The following ERBB4 variants were observed in gnomAD, a reference collection of about 807,000 sequenced individuals.
ERBB4 encodes the protein receptor tyrosine-protein kinase erbB-4.
Under a neutral mutation model 158.0 loss-of-function variants are expected in ERBB4, and 42 were observed. The ratio of observed to expected loss-of-function variants is 0.27; its 90% confidence interval spans 0.21 to 0.34. ERBB4 has a LOEUF of 0.34. ERBB4 is among the 10% of genes least tolerant of loss of function. ERBB4 has a pLI of 1.00. For missense variants in ERBB4, 1,333 were observed against 1,624.1 expected (o/e 0.82, Z 3.08); for synonymous variants, 583 against 558.7 (o/e 1.04, Z -0.61).
intron 1 of ERBB4, among the ~76,000 whole-genome samples, chr2:212,357,921 T>C (rs1027288030): frequency 6.6e-6 from 1 of 151,882 alleles, no homozygotes; most frequent in African/African-American, 2.4e-5. Flanking sequence ...TGATTTCCAC[T>C]GGCCTCACCC....
At chr2:212,297,794 A>G (rs1046879488) in intron 1 of ERBB4, among the ~76,000 whole-genome samples, 6 of 151,740 alleles carry the variant, frequency 4.0e-5, no homozygotes, top group Non-Finnish European at 8.8e-5. Context: ...GTAATTGTAT[A>G]TATCAAATGA....
intron 16 of ERBB4, among the ~76,000 whole-genome samples, chr2:211,646,114 T>C (rs2070774119): frequency 6.6e-6 from 1 of 151,406 alleles, no homozygotes; most frequent in Non-Finnish European, 1.5e-5. Flanking sequence ...AGTAAGTTAT[T>C]GAATAATGTG....
chr2:211,668,247 A>G (rs1233148307), intron 14 of ERBB4, among the ~76,000 whole-genome samples: 1 of 152,212 alleles, frequency 6.6e-6, no homozygotes, highest in Non-Finnish European at 1.5e-5. Flanking sequence ...TATGAAGTGC[A>G]TGACTGTATT....
At chr2:212,288,786 A>G (rs1006476922) in intron 1 of ERBB4, among the ~76,000 whole-genome samples, 2 of 152,058 alleles carry the variant, frequency 1.3e-5, no homozygotes, top group Non-Finnish European at 2.9e-5. Context: ...ATCTTGATCT[A>G]AGGCCCTGGG....
At chr2:212,394,901 C>T (rs560248630) in intron 1 of ERBB4, among the ~76,000 whole-genome samples, 1 of 152,104 alleles carries the variant, frequency 6.6e-6, no homozygotes, top group African/African-American at 2.4e-5. Flanking sequence ...GATACACTGA[C>T]CTGAAGGAGA....
intron 1 of ERBB4, among the ~76,000 whole-genome samples, chr2:212,237,031 C>T (rs1342607730): frequency 6.6e-6 from 1 of 151,878 alleles, no homozygotes; most frequent in Admixed American, 6.6e-5. Context: ...TTTGCTCTTG[C>T]TTCTCTAGTT....
intron 5 of ERBB4, among the ~76,000 whole-genome samples, chr2:211,736,953 A>C (rs977269298): frequency 8.5e-5 from 13 of 152,286 alleles, no homozygotes; most frequent in Admixed American, 7.2e-4. Flanking sequence ...CTCAGGACAA[A>C]AGTTCGGAAG....
At chr2:212,185,735 T>C (rs2081998083) in intron 1 of ERBB4, among the ~76,000 whole-genome samples, 1 of 151,990 alleles carries the variant, frequency 6.6e-6, no homozygotes, top group Non-Finnish European at 1.5e-5. Context: ...AAAGAGGACA[T>C]AATAGAATCT....
chr2:211,620,487 T>A (rs1033491314), intron 18 of ERBB4, among the ~76,000 whole-genome samples: 2 of 152,144 alleles, frequency 1.3e-5, no homozygotes, highest in Admixed American at 6.5e-5. Flanking sequence ...AACACAAGAA[T>A]TATTTTAAAA....
intron 9 of ERBB4, among the ~76,000 whole-genome samples, chr2:211,710,947 G>A (rs1001646364): frequency 1.3e-5 from 2 of 151,596 alleles, no homozygotes; most frequent in African/African-American, 4.9e-5. Context: ...TGACTAATAT[G>A]GCTACCCAGT....
At chr2:212,394,472 C>T (rs902949315) in intron 1 of ERBB4, among the ~76,000 whole-genome samples, 1 of 151,882 alleles carries the variant, frequency 6.6e-6, no homozygotes, top group Non-Finnish European at 1.5e-5. Flanking sequence ...AACTGGACCA[C>T]CATCTTGACC....
chr2:211,408,545 C>G (rs2063191431), intron 25 of ERBB4, among the ~76,000 whole-genome samples: 1 of 152,202 alleles, frequency 6.6e-6, no homozygotes, highest in African/African-American at 2.4e-5. Context: ...TAGCGCCAGA[C>G]TCTCCTTAAA....
At chr2:211,392,141 G>T (rs1456841795) in intron 25 of ERBB4, among the ~76,000 whole-genome samples, 1 of 152,122 alleles carries the variant, frequency 6.6e-6, no homozygotes, top group Non-Finnish European at 1.5e-5. Context: ...TGACATATCT[G>T]CTTAACACTC....
chr2:212,277,630 G>C (rs111922497), intron 1 of ERBB4, among the ~76,000 whole-genome samples: 2 of 151,812 alleles, frequency 1.3e-5, no homozygotes, highest in East Asian at 1.9e-4. Context: ...AGACCACAAA[G>C]TGTCCCCTGG....
chr2:211,880,685 A>C (rs1386102793), intron 3 of ERBB4, among the ~76,000 whole-genome samples: 1 of 152,212 alleles, frequency 6.6e-6, no homozygotes, highest in Admixed American at 6.5e-5. Context: ...GAGCAACATG[A>C]ATCTTGCTAA....
intron 1 of ERBB4, among the ~76,000 whole-genome samples, chr2:212,484,926 G>A (rs922962027): frequency 6.6e-6 from 1 of 152,142 alleles, no homozygotes; most frequent in African/African-American, 2.4e-5. Flanking sequence ...CTTAGAACAT[G>A]ACTCGTTGGA....
intron 25 of ERBB4, among the ~76,000 whole-genome samples, chr2:211,406,109 G>T (rs2063142220): frequency 6.6e-6 from 1 of 152,136 alleles, no homozygotes; most frequent in South Asian, 2.1e-4. Flanking sequence ...AGCCAGGTCT[G>T]ACTTTGCCAT....
In ERBB4 at chr2:211,612,764, T is replaced by G. The variant is rs946541989; in HGVS notation, c.2301+6413A>C. 3.3e-5 allele frequency among the ~76,000 whole-genome samples: 5 copies of G among 152,046 alleles called. No individual in the cohort carries two copies. The East Asian group carries it at 9.6e-4, about 29-fold the overall frequency. ...AAAAGTAGGGAGATCAAATCTAGTC[T>G]CATAACTTAAGCTGAAGAAGTTGAG... On this transcript the variant is annotated intron_variant, in intron 19 of 27. Transcript: ENST00000342788.
chr2:212,373,414 A>G (rs1339476727), intron 1 of ERBB4, among the ~76,000 whole-genome samples: 1 of 152,060 alleles, frequency 6.6e-6, no homozygotes, highest in African/African-American at 2.4e-5. Flanking sequence ...TTTGCAGTCA[A>G]TGAAACTGGA....
Sources: gnomAD v4.1 joint callset for allele counts (sites outside exome capture counted in the v4.1 genomes callset) on GRCh38, gnomAD v4.1.1 for gene constraint, MANE v1.5 for transcripts, NCBI Gene and HGNC (gene_info 2026-07-23, HGNC 2026-07-21) for gene names.